SMIM14: variants seen among roughly 807,000 people sequenced by gnomAD.
The protein encoded by SMIM14 is small integral membrane protein 14, also known as chromosome 4 open reading frame 34.
A neutral mutation model predicts 12.6 loss-of-function variants in SMIM14; 5 were observed. The ratio of observed to expected loss-of-function variants is 0.40; its 90% CI spans 0.21 to 0.83. SMIM14 has a LOEUF of 0.83. SMIM14 is among the 40% of genes least tolerant of loss of function. The pLI is 0.37. For missense variants in SMIM14, 86 were observed against 119.1 expected (o/e 0.72, Z 1.29); for synonymous variants, 30 against 40.1 (o/e 0.75, Z 0.95).
At chr4:39,636,399 T>C (rs1266161240) in intron 1 of SMIM14, among the ~76,000 whole-genome samples, 1 of 152,194 alleles carries the variant, frequency 6.6e-6, no homozygotes, top group Non-Finnish European at 1.5e-5. Flanking sequence ...AAGTGAGGTC[T>C]TACTTTGCCA....
intron 2 of SMIM14, among the ~76,000 whole-genome samples, chr4:39,595,836 CT>C (rs1714336254): frequency 6.6e-6 from 1 of 152,008 alleles, no homozygotes; most frequent in Non-Finnish European, 1.5e-5. Context: ...TTTCAAACTC[CT>C]AGACTCAAGT....
intron 1 of SMIM14, among the ~76,000 whole-genome samples, chr4:39,631,331 CAAA>C (rs34691180): frequency 1.1e-4 from 15 of 133,318 alleles, no homozygotes; most frequent in East Asian, 2.1e-4. Flanking sequence ...GACTCCATCT[CAAA>C]AAAAAAAAAA....
At chr4:39,555,744 G>A (rs900610608) in intron 4 of SMIM14, among the ~76,000 whole-genome samples, 8 of 152,118 alleles carry the variant, frequency 5.3e-5, no homozygotes, top group Non-Finnish European at 8.8e-5. Flanking sequence ...GGAAAATGAG[G>A]AAAATAAAAT....
At chr4:39,632,773 C>A (rs1358065649) in intron 1 of SMIM14, among the ~76,000 whole-genome samples, 2 of 97,128 alleles carry the variant, frequency 2.1e-5, no homozygotes, top group African/African-American at 8.6e-5. Context: ...GTGAGACTCC[C>A]GTCACACACA....
At chr4:39,619,071 G>A (rs1715334941) in intron 1 of SMIM14, among the ~76,000 whole-genome samples, 1 of 151,882 alleles carries the variant, frequency 6.6e-6, no homozygotes, top group Non-Finnish European at 1.5e-5. Context: ...TAGAGGGTAA[G>A]ACAGGGTTTA....
chr4:39,627,307 A>G (rs1255342611), intron 1 of SMIM14, among the ~76,000 whole-genome samples: 1 of 152,076 alleles, frequency 6.6e-6, no homozygotes, highest in Non-Finnish European at 1.5e-5. Context: ...CTTAAACATT[A>G]CCTTCTCTTT....
intron 2 of SMIM14, among the ~76,000 whole-genome samples, chr4:39,585,542 C>T (rs1318423964): frequency 6.6e-6 from 1 of 151,964 alleles, no homozygotes; most frequent in East Asian, 1.9e-4. Flanking sequence ...GGTGATCTGC[C>T]CGCCTTGGCC....
intron 3 of SMIM14, 126 bp downstream of exon 3, chr4:39,572,277 CTTTTTTTTTTTT>C (rs71192876): frequency 3.3e-5 from 7 of 210,658 alleles, no homozygotes; most frequent in Non-Finnish European, 5.0e-5. Flanking sequence ...GTATGTGTCG[CTTTTTTTTTTTT>C]TTTTTTTTTT....
chr4:39,624,036 G>A (rs1032917230), intron 1 of SMIM14, among the ~76,000 whole-genome samples: 7 of 152,194 alleles, frequency 4.6e-5, no homozygotes, highest in African/African-American at 7.2e-5. Flanking sequence ...AATGAAATGG[G>A]AGGCCAGAGG....
Position 39,562,220 on chromosome 4 carries a change from T to A in SMIM14, c.125-5650A>T, listed in dbSNP as rs1325651353. On this transcript the variant is annotated intron_variant, in intron 3 of 4. Transcript: ENST00000295958. ...GAGACCCCTGTCTCTACAAAAAAAA[T>A]TAAAAAATTAGCTGAGTGTGGTGGT... Among the ~76,000 whole-genome samples the A allele has an allele frequency of 2.6e-5, 4 of 151,532 alleles. No individual in the cohort carries two copies. The South Asian group carries it at 8.3e-4, about 31-fold the overall frequency.
At position 39,556,591 on chromosome 4, in the gene SMIM14, T is replaced by C. The variant is rs542208423; in HGVS notation, c.125-21A>G. ...CGGTACTAAAGACAAACAAAAAATG[T>C]AGCATGCTCACAATATTGTTAAAAG... On this transcript the variant is annotated intron_variant, in intron 3 of 4. Coordinates refer to ENST00000295958, the MANE Select transcript of SMIM14 (RefSeq NM_174921.3). 16 of 1,573,094 alleles carry C rather than the reference T, an allele frequency of 1.0e-5. No homozygotes were observed. The East Asian group carries it at 3.6e-4, about 36-fold the overall frequency.
At chr4:39,618,666 A>AC (rs1715315854) in intron 1 of SMIM14, among the ~76,000 whole-genome samples, 3 of 136,428 alleles carry the variant, frequency 2.2e-5, no homozygotes, top group Non-Finnish European at 4.8e-5. Context: ...AAAAAAAAAC[A>AC]AAAAAAAAAA....
At position 39,581,518 on chromosome 4, in the gene SMIM14, C is replaced by CTTTTTTTTTTT. The variant is rs1432369898; in HGVS notation, c.76-9066_76-9056dup. 8.6e-4 allele frequency among the ~76,000 whole-genome samples: 113 copies of CTTTTTTTTTTT among 132,030 alleles called. 1 individual carries two copies. The highest frequency in any genetic ancestry group is 3.9e-3 in the Middle Eastern group (1 of 258). 86.6% of individuals were successfully genotyped at this position (132,030 alleles called of 152,430 possible). On this transcript the variant is annotated intron_variant, in intron 2 of 4. Coordinates refer to ENST00000295958, the MANE Select transcript of SMIM14 (RefSeq NM_174921.3). Reference sequence around the variant, plus strand: ...TTTTCGTTTTTTTCCTTTTCTTTTTCTTTTTTTTTTTTTTTGAGACAGGGT... The same window carrying CTTTTTTTTTTT: ...TTTTCGTTTTTTTCCTTTTCTTTTTCTTTTTTTTTTTTTTTTTTTTTTTTTTGAGACAGGGT...
chr4:39,562,200 CCCT>C (rs1712343791), intron 3 of SMIM14, among the ~76,000 whole-genome samples: 1 of 151,726 alleles, frequency 6.6e-6, no homozygotes, highest in Non-Finnish European at 1.5e-5. Flanking sequence ...ATAGTGAGAC[CCCT>C]GTCTCTACAA....
intron 1 of SMIM14, among the ~76,000 whole-genome samples, chr4:39,636,712 C>T (rs1716103975): frequency 6.6e-6 from 1 of 152,028 alleles, no homozygotes; most frequent in Non-Finnish European, 1.5e-5. Context: ...AAAACAACCC[C>T]CCCCCAGTGG....
intron 2 of SMIM14, among the ~76,000 whole-genome samples, chr4:39,586,977 C>G (rs1490316478): frequency 6.6e-6 from 1 of 151,898 alleles, no homozygotes; most frequent in Non-Finnish European, 1.5e-5. Context: ...TTTTCTGTCT[C>G]TTCTAATATG....
At chr4:39,570,091 T>C (rs1200351997) in intron 3 of SMIM14, among the ~76,000 whole-genome samples, 4 of 152,240 alleles carry the variant, frequency 2.6e-5, no homozygotes, top group African/African-American at 9.6e-5. Context: ...TTACTTTGCA[T>C]TGAGCTTTCT....
rs114853614 is a variant in SMIM14, at chr4:39,597,971, T to C, written c.75+7100A>G. On this transcript the variant is annotated intron_variant, in intron 2 of 4. Transcript: ENST00000295958. ...GACTTCATTACAAGACTTTATATCA[T>C]ATTTCATTCCAAAACCAAGTGTTTT... Among the ~76,000 whole-genome samples, 694 of 152,328 alleles carry C rather than the reference T, an allele frequency of 4.6e-3. 5 individuals carry two copies. Among genetic ancestry groups the C allele is most frequent in the African/African-American group, 0.016 (659 of 41,576 alleles).
At chr4:39,603,940 G>A (rs2110056802) in intron 2 of SMIM14, among the ~76,000 whole-genome samples, 1 of 151,840 alleles carries the variant, frequency 6.6e-6, no homozygotes, top group African/African-American at 2.4e-5. Context: ...GAACCCAGGA[G>A]GTGGAGGTTG....
Sources: allele counts gnomAD v4.1 joint callset (sites outside exome capture counted in the v4.1 genomes callset), GRCh38; gene constraint gnomAD v4.1.1; transcripts MANE v1.5; gene names NCBI Gene and HGNC (gene_info 2026-07-23, HGNC 2026-07-21).